The following MMP16 variants were observed in gnomAD, a reference collection of about 807,000 sequenced individuals.
The protein encoded by MMP16 is matrix metallopeptidase 16.
In MMP16, 12 loss-of-function variants were observed where a neutral mutation model predicts 67.8. The ratio of observed to expected loss-of-function variants is 0.18; its 90% CI spans 0.11 to 0.29. The LOEUF is 0.29. MMP16 is among the 10% of genes least tolerant of loss of function. MMP16 has a pLI of 1.00. For missense variants in MMP16, 475 were observed against 765.7 expected, an observed-to-expected ratio of 0.62 and a Z score of 4.48; for synonymous variants, 249 against 255.9, an observed-to-expected ratio of 0.97 and a Z score of 0.26.
At chr8:88,143,093 C>T (rs1586172678) in intron 4 of MMP16, among the ~76,000 whole-genome samples, 1 of 151,872 alleles carries the variant, frequency 6.6e-6, no homozygotes, top group East Asian at 2.0e-4. Flanking sequence ...ACAAGGCAGG[C>T]ATCAGACTGC....
chr8:88,055,719 T>G (rs554730022), intron 8 of MMP16, among the ~76,000 whole-genome samples: 6 of 152,338 alleles, frequency 3.9e-5, no homozygotes, highest in African/African-American at 1.2e-4. Context: ...CTTCACAATT[T>G]ATTGTACACA....
At chr8:88,068,308 A>C (rs999784006) in intron 7 of MMP16, among the ~76,000 whole-genome samples, 109 of 152,134 alleles carry the variant, frequency 7.2e-4, no homozygotes, top group African/African-American at 2.6e-3. Flanking sequence ...TTGTGAATAA[A>C]AATCCTTCAT....
At chr8:88,074,539 T>C (rs1216442847) in intron 7 of MMP16, 66 bp downstream of exon 7, 1 of 1,439,154 alleles carries the variant, frequency 6.9e-7, no homozygotes, top group Admixed American at 2.1e-5. Flanking sequence ...CACTTTTGTG[T>C]GCACCACAGG....
chr8:88,129,115 T>C (rs1182519103), intron 4 of MMP16, among the ~76,000 whole-genome samples: 1 of 151,720 alleles, frequency 6.6e-6, no homozygotes, highest in Admixed American at 6.6e-5. Flanking sequence ...AGTAAACCCA[T>C]GTAACATGAT....
At chr8:88,294,246 A>G (rs1810969648) in intron 1 of MMP16, among the ~76,000 whole-genome samples, 1 of 150,714 alleles carries the variant, frequency 6.6e-6, no homozygotes, top group Non-Finnish European at 1.5e-5. Flanking sequence ...ATATATATAC[A>G]CATATATAGA....
chr8:88,090,423 A>G (rs533401328), intron 6 of MMP16, among the ~76,000 whole-genome samples: 8 of 151,926 alleles, frequency 5.3e-5, no homozygotes, highest in Non-Finnish European at 1.2e-4. Context: ...ATTAAAGAAA[A>G]CTATTTTGTA....
Position 88,291,262 on chromosome 8 carries a change from C to G in MMP16, c.132+35813G>C, listed in dbSNP as rs538363614. 5.3e-5 allele frequency among the ~76,000 whole-genome samples: 8 copies of G among 152,188 alleles called. No homozygotes were observed. The South Asian group carries it at 1.7e-3, about 32-fold the overall frequency. On this transcript the variant is annotated intron_variant, in intron 1 of 9. Coordinates refer to ENST00000286614, the MANE Select transcript of MMP16 (RefSeq NM_005941.5). Reference sequence around the variant, plus strand: ...CATCACTACACTCCAGCCTAAGCAACAGAGTCACACCCAGTCTCTAAAAAA... The same window carrying G: ...CATCACTACACTCCAGCCTAAGCAAGAGAGTCACACCCAGTCTCTAAAAAA...
chr8:88,161,418 G>T (rs1459747046), intron 4 of MMP16, among the ~76,000 whole-genome samples: 1 of 151,866 alleles, frequency 6.6e-6, no homozygotes, highest in Non-Finnish European at 1.5e-5. Flanking sequence ...TTTTTATTGC[G>T]TCTATTTGAT....
intron 4 of MMP16, among the ~76,000 whole-genome samples, chr8:88,143,430 G>C (rs1276007389): frequency 2.0e-5 from 3 of 152,062 alleles, no homozygotes; most frequent in Non-Finnish European, 4.4e-5. Flanking sequence ...TCTACTACTT[G>C]AGTAAAATCA....
At chr8:88,065,759 C>G (rs906591689) in intron 7 of MMP16, among the ~76,000 whole-genome samples, 65 of 152,000 alleles carry the variant, frequency 4.3e-4, no homozygotes, top group African/African-American at 1.5e-3. Context: ...ACTCCCTAAA[C>G]CTTTCAAGAA....
At chr8:88,108,936 T>C (rs1809287983) in intron 6 of MMP16, among the ~76,000 whole-genome samples, 1 of 151,314 alleles carries the variant, frequency 6.6e-6, no homozygotes, top group African/African-American at 2.4e-5. Flanking sequence ...TGCTTTTGTT[T>C]ATAGATACTG....
intron 6 of MMP16, among the ~76,000 whole-genome samples, chr8:88,083,315 C>T (rs1477916047): frequency 1.3e-5 from 2 of 152,006 alleles, no homozygotes; most frequent in African/African-American, 4.8e-5. Context: ...ATGGGTATTA[C>T]ATAGAGCACC....
chr8:88,127,155 T>C (rs1017646351), intron 4 of MMP16, among the ~76,000 whole-genome samples: 1 of 151,916 alleles, frequency 6.6e-6, no homozygotes, highest in African/African-American at 2.4e-5. Context: ...TGCAAACATA[T>C]GTGAGTGACA....
chr8:88,240,109 G>T (rs1038165672), intron 1 of MMP16, among the ~76,000 whole-genome samples: 2 of 152,076 alleles, frequency 1.3e-5, no homozygotes, highest in Admixed American at 6.5e-5. Flanking sequence ...GTCAACTTAC[G>T]CAATGCCCAT....
rs1808032030 is a variant in MMP16 at position 88,034,684 on chromosome 8, T to G, written c.*6777A>C. On this transcript the variant is annotated 3_prime_UTR_variant, in exon 10 of 10. Coordinates refer to ENST00000286614, the MANE Select transcript of MMP16 (RefSeq NM_005941.5). ...ATCATTCATTCAAGCAAAGTATATT[T>G]TATCTTAACAATTGGATTGTTAATA... 1 of 152,008 alleles carries G rather than the reference T, an allele frequency of 6.6e-6. No homozygotes were observed. Among genetic ancestry groups the G allele is most frequent in the South Asian group, 2.1e-4 (1 of 4,832 alleles). The allele number at this position is 152,008 out of a possible 1,614,324, so 9.4% of individuals were successfully genotyped here.
In MMP16 at chr8:88,184,775, A is replaced by AAAAG. The variant is rs1563556429; in HGVS notation, c.404+1697_404+1700dup. ...AAAAAAAAAAAAAAAAAAAAAAAAA[A>AAAAG]AAAGAAAAGAAAAAAGAATCCATGT... On this transcript the variant is annotated intron_variant, in intron 3 of 9. Coordinates refer to ENST00000286614, the MANE Select transcript of MMP16 (RefSeq NM_005941.5). 1.2e-3 allele frequency among the ~76,000 whole-genome samples: 165 copies of AAAAG among 132,868 alleles called. 1 individual carries two copies. Among genetic ancestry groups the AAAAG allele is most frequent in the African/African-American group, 4.4e-3 (158 of 35,654 alleles). 87.2% of individuals were successfully genotyped at this position (132,868 alleles called of 152,430 possible).
At chr8:88,083,055 T>C (rs558080522) in intron 6 of MMP16, among the ~76,000 whole-genome samples, 23 of 152,126 alleles carry the variant, frequency 1.5e-4, no homozygotes, top group African/African-American at 5.3e-4. Context: ...TCTGGTATTA[T>C]AAATTTAAAA....
chr8:88,317,227 T>C (rs1009824372), intron 1 of MMP16, among the ~76,000 whole-genome samples: 1 of 152,172 alleles, frequency 6.6e-6, no homozygotes, highest in African/African-American at 2.4e-5. Flanking sequence ...CAGTATTGCA[T>C]GCTAAGAGAA....
chr8:88,235,390 C>CA (rs35201322), intron 1 of MMP16, among the ~76,000 whole-genome samples: 22,368 of 116,008 alleles, frequency 0.19, 2,061 homozygotes, highest in African/African-American at 0.24. Flanking sequence ...GACTCCATCT[C>CA]AAAAAAAAAA....
Sources: allele counts gnomAD v4.1 joint callset (sites outside exome capture counted in the v4.1 genomes callset), GRCh38; gene constraint gnomAD v4.1.1; transcripts MANE v1.5; gene names NCBI Gene and HGNC (gene_info 2026-07-23, HGNC 2026-07-21).